Variants in KALRN observed in about 807,000 individuals in gnomAD.
KALRN encodes the protein kalirin.
In KALRN, 70 loss-of-function variants were observed where a neutral mutation model predicts 353.7. The ratio of observed to expected loss-of-function variants is 0.20; its 90% confidence interval spans 0.16 to 0.24. The LOEUF (loss-of-function observed/expected upper bound fraction) is 0.24. Ranked by LOEUF, KALRN falls within the 10% of genes least tolerant of loss-of-function variation. The pLI is 1.00. For missense variants in KALRN, 2,791 were observed against 3,756.7 expected, an observed-to-expected ratio of 0.74 and a Z score of 6.72; for synonymous variants, 1,391 against 1,434.8, an observed-to-expected ratio of 0.97 and a Z score of 0.69.
chr3:124,167,286 T>C (rs1378009380), intron 1 of KALRN, among the ~76,000 whole-genome samples: 1 of 152,126 alleles, frequency 6.6e-6, no homozygotes, highest in East Asian at 1.9e-4. Flanking sequence ...GTGGTGACAG[T>C]TCTAATTCCT....
At chr3:124,428,803 A>G (rs1189388951) in intron 15 of KALRN, among the ~76,000 whole-genome samples, 6 of 152,226 alleles carry the variant, frequency 3.9e-5, no homozygotes, top group African/African-American at 1.4e-4. Flanking sequence ...CCACCACCAT[A>G]GCTATAACTC....
At chr3:124,420,583 G>T (rs1247326693) in intron 14 of KALRN, among the ~76,000 whole-genome samples, 1 of 152,156 alleles carries the variant, frequency 6.6e-6, no homozygotes, top group Non-Finnish European at 1.5e-5. Flanking sequence ...ATAGTAACTG[G>T]AAGGAGTTGG....
intron 1 of KALRN, among the ~76,000 whole-genome samples, chr3:124,155,099 A>G (rs915573062): frequency 2.6e-5 from 4 of 152,220 alleles, no homozygotes; most frequent in African/African-American, 9.6e-5. Flanking sequence ...ACCTTATACA[A>G]AAATTAATTC....
intron 1 of KALRN, among the ~76,000 whole-genome samples, chr3:124,175,608 T>C (rs1050868702): frequency 2.0e-5 from 3 of 149,588 alleles, no homozygotes; most frequent in Non-Finnish European, 4.5e-5. Context: ...CGCTGCCGAG[T>C]GTCCAGGCCT....
intron 5 of KALRN, among the ~76,000 whole-genome samples, chr3:124,272,473 C>A (rs925113392): frequency 6.6e-6 from 1 of 152,026 alleles, no homozygotes; most frequent in East Asian, 1.9e-4. Context: ...ATATATGATC[C>A]CTGAATTCTA....
intron 2 of KALRN, among the ~76,000 whole-genome samples, chr3:124,229,863 C>G (rs2078963382): frequency 6.6e-6 from 1 of 152,210 alleles, no homozygotes; most frequent in Non-Finnish European, 1.5e-5. Flanking sequence ...TGGCAGCTGC[C>G]TCTTCCCATT....
chr3:124,617,969 A>T (rs2078804984), intron 34 of KALRN, among the ~76,000 whole-genome samples: 1 of 152,180 alleles, frequency 6.6e-6, no homozygotes, highest in African/African-American at 2.4e-5. Context: ...TATCAAATGA[A>T]TAGGAGAAAA....
At chr3:124,118,318 C>T (rs915598620) in intron 1 of KALRN, among the ~76,000 whole-genome samples, 10 of 151,942 alleles carry the variant, frequency 6.6e-5, no homozygotes, top group South Asian at 2.1e-4. Context: ...TTCTTGGGGC[C>T]GATGGGGGTG....
At chr3:124,679,075 C>T (rs889461872) in intron 50 of KALRN, among the ~76,000 whole-genome samples, 1 of 152,152 alleles carries the variant, frequency 6.6e-6, no homozygotes, top group Non-Finnish European at 1.5e-5. Context: ...TGTTTCCCTT[C>T]CTTAGCAAAG....
intron 58 of KALRN, among the ~76,000 whole-genome samples, chr3:124,715,378 A>T (rs1414383736): frequency 1.3e-5 from 2 of 152,178 alleles, no homozygotes; most frequent in South Asian, 2.1e-4. Flanking sequence ...TGAGATTTGG[A>T]TTCCCTAGTC....
intron 33 of KALRN, chr3:124,519,323 A>T: frequency 1.0e-6 from 1 of 985,024 alleles, no homozygotes; most frequent in Non-Finnish European, 1.2e-6. Context: ...ATTTTTCATA[A>T]TAAAAAAGTT....
At chr3:124,376,140 T>A (rs2086557106) in intron 10 of KALRN, among the ~76,000 whole-genome samples, 1 of 152,222 alleles carries the variant, frequency 6.6e-6, no homozygotes, top group Non-Finnish European at 1.5e-5. Flanking sequence ...AGTTGGTGTT[T>A]AAGTCCTCAG....
intron 3 of KALRN, among the ~76,000 whole-genome samples, chr3:124,256,033 T>C (rs1469510930): frequency 6.6e-6 from 1 of 152,092 alleles, no homozygotes; most frequent in Non-Finnish European, 1.5e-5. Flanking sequence ...AAGGTAGCAT[T>C]TGAATTTAAC....
intron 10 of KALRN, among the ~76,000 whole-genome samples, chr3:124,366,178 A>T (rs569576918): frequency 2.1e-4 from 32 of 152,050 alleles, no homozygotes; most frequent in Admixed American, 2.0e-3. Flanking sequence ...ATGTTTTGTG[A>T]TTGTATATTT....
chr3:124,263,437 C>T (rs1315744213), intron 3 of KALRN, among the ~76,000 whole-genome samples: 3 of 152,100 alleles, frequency 2.0e-5, no homozygotes, highest in Non-Finnish European at 2.9e-5. Context: ...CAAAGCTGGG[C>T]ATGGTGGCGC....
intron 1 of KALRN, among the ~76,000 whole-genome samples, chr3:124,219,579 AT>A (rs955234542): frequency 1.9e-4 from 29 of 151,932 alleles, no homozygotes; most frequent in Admixed American, 1.2e-3. Context: ...AAAGAAGAAC[AT>A]TTTTTTCCCC....
At chr3:124,712,280 A>G (rs1293800561) in intron 57 of KALRN, among the ~76,000 whole-genome samples, 1 of 152,204 alleles carries the variant, frequency 6.6e-6, no homozygotes, top group Non-Finnish European at 1.5e-5. Context: ...AAGAGTTAGC[A>G]TTTGTGCTAG....
intron 33 of KALRN, among the ~76,000 whole-genome samples, chr3:124,541,144 T>C (rs2068985090): frequency 6.6e-6 from 1 of 152,218 alleles, no homozygotes; most frequent in Non-Finnish European, 1.5e-5. Flanking sequence ...ATATGTGTTT[T>C]GTTTTAGAAA....
chr3:124,607,773 T>C (rs2077503120), intron 34 of KALRN, among the ~76,000 whole-genome samples: 1 of 152,106 alleles, frequency 6.6e-6, no homozygotes, highest in Non-Finnish European at 1.5e-5. Context: ...TGTACCACTA[T>C]GCCTGGCTAA....
Sources: allele counts gnomAD v4.1 joint callset (sites outside exome capture counted in the v4.1 genomes callset), GRCh38; gene constraint gnomAD v4.1.1; transcripts MANE v1.5; gene names NCBI Gene and HGNC (gene_info 2026-07-23, HGNC 2026-07-21).